The following SEC16A variants were observed in gnomAD, a reference collection of about 807,000 sequenced individuals.
SEC16A encodes SEC16 homolog A, endoplasmic reticulum export factor.
SEC16A carries 110 observed loss-of-function variants against 221.9 expected under a neutral mutation model. The ratio of observed to expected loss-of-function variants is 0.50; its 90% CI spans 0.42 to 0.58. The LOEUF is 0.58. SEC16A is among the 20% of genes least tolerant of loss of function. The pLI, the probability that SEC16A is intolerant of heterozygous loss-of-function variation, is 0.00. For missense variants in SEC16A, 3,165 were observed against 3,097.8 expected (o/e 1.02, Z -0.52); for synonymous variants, 1,393 against 1,257.7 (o/e 1.11, Z -2.28).
In SEC16A at chr9:136,461,087, C is replaced by T. The variant is rs1361365211; in HGVS notation, c.4991+90G>A. ...GAGCACAGCACAGTCAAGTGAGATC[C>T]GCCTGCCGCCTGCCCCCAGGGTGCG... On this transcript the variant is annotated intron_variant, in intron 13 of 31. Coordinates refer to ENST00000684901, the MANE Select transcript of SEC16A (RefSeq NM_014866.2). 2.8e-5 allele frequency: 27 copies of T among 977,262 alleles called. 1 individual carries two copies. The highest frequency in any genetic ancestry group is 1.4e-4 in the Admixed American group (7 of 50,068). 60.5% of individuals were successfully genotyped at this position (977,262 alleles called of 1,614,324 possible).
In SEC16A at chr9:136,447,510, CCTCT is replaced by C. The variant is rs1239859589; in HGVS notation, c.6559+55_6559+58del. The C allele has an allele frequency of 3.2e-6, 5 of 1,541,988 alleles. No individual in the cohort carries two copies. Among genetic ancestry groups the C allele is most frequent in the South Asian group, 1.1e-5 (1 of 87,822 alleles). On this transcript the variant is annotated intron_variant, in intron 26 of 31. Transcript: ENST00000684901. This position sits in a 1 kb window ranked among gnomAD's most constrained non-coding sequence, Gnocchi z 5.5. ...CCCACGCACAACAGCTACACATTGGCCTCTCTCTCTGGGACAGTTAATCGTTCAA... is the reference window on the plus strand; with the variant it reads ...CCCACGCACAACAGCTACACATTGGCCTCTCTGGGACAGTTAATCGTTCAA...
At chr9:136,473,142 G>A (rs1410874533) in intron 3 of SEC16A, among the ~76,000 whole-genome samples, 1 of 152,270 alleles carries the variant, frequency 6.6e-6, no homozygotes, top group Non-Finnish European at 1.5e-5. Context: ...CCCCGGGGCA[G>A]TACCCAGCAA....
In SEC16A at chr9:136,459,207, G is replaced by T. The variant is rs779801928; in HGVS notation, c.5336C>A (p.Ala1779Glu). 6.2e-7 allele frequency: 1 copy of T among 1,613,820 alleles called. No homozygotes were observed. Among genetic ancestry groups the T allele is most frequent in the Non-Finnish European group, 8.5e-7 (1 of 1,179,766 alleles). Residue 1779 changes from alanine (A) to glutamate (E), a missense_variant, in exon 17 of 32, where the codon GCA (alanine) becomes GAA (glutamate). Physicochemically the swap from Ala to Glu is moderately radical, Grantham distance 107. Transcript: ENST00000684901. This position sits in a 1 kb window ranked among gnomAD's most constrained non-coding sequence, Gnocchi z 6.1. ...CTCATAGGCTTCCGTCCTCTGGATTGCTTCGTTGGTTGCGAACTTTAAGAA... is the reference window on the plus strand; with the variant it reads ...CTCATAGGCTTCCGTCCTCTGGATTTCTTCGTTGGTTGCGAACTTTAAGAA... ...LPFLKFATNE[A>E]IQRTEAYEYA...
In SEC16A at chr9:136,471,978, G is replaced by A; in HGVS notation, c.3701C>T (p.Pro1234Leu). The A allele has an allele frequency of 6.2e-7, 1 of 1,611,766 alleles. No individual in the cohort carries two copies. The highest frequency in any genetic ancestry group is 2.2e-5 in the East Asian group (1 of 44,880). The change falls in exon 4 of 32, where the codon CCC (proline) becomes CTC (leucine). Residue 1234 changes from proline (P) to leucine (L), a missense_variant. By Grantham distance (98) the Pro-to-Leu change is moderately conservative. Around this residue, in one of 3 missense-constraint regions of SEC16A, gnomAD observed 2,030 missense variants for 1,923.1 expected, o/e 1.06. Transcript: ENST00000684901. ...RASHSSERPPPRQGYPEGYYS... is the reference protein window; with the variant it reads ...RASHSSERPPLRQGYPEGYYS... ...GCCAGGGTGGGCGCGGCCGCACCTG[G>A]GAGGTGGCCGTTCCGAGGAGTGGCT... is the stretch of plus-strand genomic sequence containing the variant.
chr9:136,474,133 G>A lies in SEC16A; in HGVS notation c.3483C>T (p.Tyr1161=). ...PPPQDLAAYY[Y]YRPLYDAYQP... ...GGTAGGCATCGTACAAAGGCCGGTA[G>A]TAGTAGTAGGCGGCCAGGTCCTGAG... The change falls in exon 3 of 32, where the codon TAC becomes TAT. Residue 1161 remains tyrosine (Y), a synonymous_variant. Transcript: ENST00000684901. 1 of 1,613,360 alleles carries A rather than the reference G, an allele frequency of 6.2e-7. No homozygotes were observed. Among genetic ancestry groups the A allele is most frequent in the Non-Finnish European group, 8.5e-7 (1 of 1,179,884 alleles).
At chr9:136,462,744 G>C (rs1331872822) in intron 12 of SEC16A, 143 bp downstream of exon 12, 8 of 897,676 alleles carry the variant, frequency 8.9e-6, no homozygotes, top group African/African-American at 1.7e-5. Context: ...CATTGTTCAG[G>C]AAACAGCAAG....
At position 136,440,437 on chromosome 9, in the gene SEC16A, C is replaced by T. The variant is rs1836067188; in HGVS notation, c.*1318G>A. ...AACAGAAAGCCAGGAAGGATCTGTG[C>T]TAATTCCACATTCTACAATTTCTAC... On this transcript the variant is annotated 3_prime_UTR_variant, in exon 32 of 32. Transcript: ENST00000684901. 6.6e-6 allele frequency: 1 copy of T among 152,586 alleles called. No individual in the cohort carries two copies. The highest frequency in any genetic ancestry group is 6.5e-5 in the Admixed American group (1 of 15,294). The allele number at this position is 152,586 out of a possible 1,614,324, so 9.5% of individuals were successfully genotyped here. A position where few individuals can be genotyped will look rare whatever the true frequency, so the allele number is the denominator to read the frequency against.
intron 3 of SEC16A, 115 bp downstream of exon 3, chr9:136,473,934 G>A: frequency 8.6e-7 from 1 of 1,168,458 alleles, no homozygotes; most frequent in Non-Finnish European, 1.2e-6. Flanking sequence ...CTGCGGGACT[G>A]TGGGTGACCC....
rs1480102256 is a variant in SEC16A, at chr9:136,441,776, C to T, written c.7053G>A (p.Arg2351=). 12 of 1,613,376 alleles carry T rather than the reference C, an allele frequency of 7.4e-6. No homozygotes were observed. The highest frequency in any genetic ancestry group is 1.0e-5 in the Non-Finnish European group (12 of 1,179,868). The change falls in exon 32 of 32, where the codon AGG becomes AGA. Residue 2351 remains arginine, a synonymous_variant. Coordinates refer to ENST00000684901, the MANE Select transcript of SEC16A (RefSeq NM_014866.2). The part of the protein sequence containing the change: ...GSSRLGRIGQ[R]KHLVLN ...AAGCCTAGTTCAGCACCAGGTGCTT[C>T]CTCTGGCCAATCCTCCCTAGCCTTG...
At position 136,477,261 on chromosome 9, in the gene SEC16A, C is replaced by A. The variant is rs755054480; in HGVS notation, c.355G>T (p.Ala119Ser). 1 of 1,613,970 alleles carries A rather than the reference C, an allele frequency of 6.2e-7. No individual in the cohort carries two copies. The highest frequency in any genetic ancestry group is 8.5e-7 in the Non-Finnish European group (1 of 1,179,892). ...GCACCAGAAAACGGACTGGCATGTG[C>A]TCTGGGCTGTGTCAGAGGTCCAGGC... Reference protein sequence around the residue: ...PLPGPLTQPRAHASPFSGALT... With the variant: ...PLPGPLTQPRSHASPFSGALT... Residue 119 changes from alanine to serine, a missense_variant, in exon 3 of 32, where the codon GCA becomes TCA. This residue lies in a region of SEC16A where 2,030 missense variants were observed against 1,923.1 expected (regional missense o/e 1.06). Coordinates refer to ENST00000684901, the MANE Select transcript of SEC16A (RefSeq NM_014866.2).
chr9:136,468,190 T>A (rs1281326927), intron 5 of SEC16A, among the ~76,000 whole-genome samples: 1 of 152,276 alleles, frequency 6.6e-6, no homozygotes, highest in Admixed American at 6.5e-5. Context: ...GCACTCATGC[T>A]AAGATTAAGA....
rs1390303106 is a variant in SEC16A at position 136,447,928 on chromosome 9, GA to G, written c.6391-20del. On this transcript the variant is annotated intron_variant, in intron 24 of 31. Coordinates refer to ENST00000684901, the MANE Select transcript of SEC16A (RefSeq NM_014866.2). This position sits in a 1 kb window ranked among gnomAD's most constrained non-coding sequence, Gnocchi z 5.5. ...AAACAATCTGCCAAGATTTTAAAAAGAAAAAAGGTCAGCAGACTGAACCTAA... is the reference window on the plus strand; with the variant it reads ...AAACAATCTGCCAAGATTTTAAAAAGAAAAAGGTCAGCAGACTGAACCTAA... 7 of 1,597,042 alleles carry G rather than the reference GA, an allele frequency of 4.4e-6. No individual in the cohort carries two copies. The highest frequency in any genetic ancestry group is 1.8e-5 in the Admixed American group (1 of 56,440).
rs899693070 is a variant in SEC16A at position 136,466,891 on chromosome 9, G to T, written c.3929+66C>A. 2 of 1,541,686 alleles carry T rather than the reference G, an allele frequency of 1.3e-6. No homozygotes were observed. The highest frequency in any genetic ancestry group is 1.2e-5 in the South Asian group (1 of 84,406). ...CTCTTTGTTAAAACCCAGACATGAG[G>T]GCAGAGAAGCACTAGCGCGCCCTGG... On this transcript the variant is annotated intron_variant, in intron 6 of 31. Coordinates refer to ENST00000684901, the MANE Select transcript of SEC16A (RefSeq NM_014866.2). This position sits in a 1 kb window ranked among gnomAD's most constrained non-coding sequence, Gnocchi z 5.5.
chr9:136,445,695 G>A lies in SEC16A; in HGVS notation c.6817C>T (p.Pro2273Ser), dbSNP rs1836880586. 6.4e-7 allele frequency: 1 copy of A among 1,552,298 alleles called. No individual in the cohort carries two copies. Among genetic ancestry groups the A allele is most frequent in the Non-Finnish European group, 8.7e-7 (1 of 1,148,356 alleles). ...CTGGAGGAGGGGAGTTCAGAGCCAG[G>A]GAGTGACGCTGCAGAGCTTAAAACC... ...PKVLSSAASL[P>S]GSELPSSRPE... Residue 2273 changes from proline to serine, a missense_variant, in exon 29 of 32, where the codon CCT becomes TCT. Coordinates refer to ENST00000684901, the MANE Select transcript of SEC16A (RefSeq NM_014866.2).
Position 136,476,153 on chromosome 9 carries a change from C to G in SEC16A, c.1463G>C (p.Arg488Thr). The G allele has an allele frequency of 6.2e-7, 1 of 1,613,902 alleles. No individual in the cohort carries two copies. The highest frequency in any genetic ancestry group is 8.5e-7 in the Non-Finnish European group (1 of 1,179,894). The stretch of plus-strand genomic sequence containing the variant: ...AGCTGGCCCAGGAAGGGGCCCATAT[C>G]TGAACTGGTCACTCGGGGAGGAAGG... ...LDPSSPSDQFRYGPLPGPAVP... is the reference protein window; with the variant it reads ...LDPSSPSDQFTYGPLPGPAVP... The change falls in exon 3 of 32, where the codon AGA (arginine) becomes ACA (threonine). Residue 488 changes from arginine to threonine, a missense_variant. By Grantham distance (71) the Arg-to-Thr change is moderately conservative. Transcript: ENST00000684901.
At chr9:136,458,017 C>T (rs1838934981) in intron 17 of SEC16A, among the ~76,000 whole-genome samples, 1 of 152,084 alleles carries the variant, frequency 6.6e-6, no homozygotes, top group Non-Finnish European at 1.5e-5. Flanking sequence ...AGTGCAGTGG[C>T]ACAATCACAG....
In SEC16A at chr9:136,451,369, C is replaced by T. The variant is rs1321799237; in HGVS notation, c.6199G>A (p.Gly2067Arg). Residue 2067 changes from glycine to arginine, a missense_variant, in exon 23 of 32, where the codon GGG becomes AGG. Transcript: ENST00000684901. ...RTVPDSEAPP[G>R]WDRADSGPTQ... ...GGACCCGAGTCGGCACGATCCCACC[C>T]TGGGGGGGCCTCCGAGTCTGGCACC... is the stretch of plus-strand genomic sequence containing the variant. The T allele has an allele frequency of 1.9e-6, 3 of 1,612,530 alleles. No individual in the cohort carries two copies. In the Admixed American group the frequency reaches 5.0e-5, roughly 27 times the overall value.
intron 19 of SEC16A, 33 bp from the exon 20 acceptor site, chr9:136,455,826 C>T (rs761393120): frequency 4.3e-5 from 67 of 1,546,424 alleles, no homozygotes; most frequent in Admixed American, 3.9e-4. Context: ...CTGTGGAAGC[C>T]GCCTGTGGCC....
chr9:136,473,930 G>A, intron 3 of SEC16A, 119 bp downstream of exon 3: 1 of 1,100,246 alleles, frequency 9.1e-7, no homozygotes, highest in East Asian at 2.5e-5. Context: ...ACGCCTGCGG[G>A]ACTGTGGGTG....
Sources: allele counts gnomAD v4.1 joint callset (sites outside exome capture counted in the v4.1 genomes callset), GRCh38; gene constraint gnomAD v4.1.1; regional missense constraint gnomAD v4.1.1; non-coding constraint Gnocchi (gnomAD v3.1); transcripts MANE v1.5; gene names NCBI Gene and HGNC (gene_info 2026-07-23, HGNC 2026-07-21).